Variants in AGBL4 observed in about 807,000 individuals in gnomAD.
The protein encoded by AGBL4 is cytosolic carboxypeptidase 6.
In AGBL4, 58 loss-of-function variants were observed where a neutral mutation model predicts 66.4. That is an observed-to-expected ratio of 0.87 (90% CI 0.71 to 1.09). The LOEUF is 1.09. Ranked by LOEUF, AGBL4 falls within the 50% of genes least tolerant of loss-of-function variation. The probability of loss-of-function intolerance (pLI) is 0.00; values close to 1 mark genes in which losing one functional copy is unlikely to be tolerated. For synonymous variants in AGBL4, 234 were observed against 222.9 expected (o/e 1.05, Z -0.44); for missense variants, 579 against 631.0 (o/e 0.92, Z 0.88).
In AGBL4 at chr1:48,587,041, A is replaced by G. The variant is rs1644833424; in HGVS notation, c.1230T>C (p.Ser410=). The part of the protein sequence containing the change: ...LEVSFYSYII[S]GTTAAVPYTE... Reference sequence around the variant, plus strand: ...TGTAGGGCACAGCAGCCGTGGTGCCACTGATGATGTAGCTGTAGAAGGAGA... The same window carrying G: ...TGTAGGGCACAGCAGCCGTGGTGCCGCTGATGATGTAGCTGTAGAAGGAGA... The change falls in exon 11 of 14, where the codon AGT becomes AGC. Residue 410 remains serine, a synonymous_variant. Transcript: ENST00000371839. The G allele has an allele frequency of 6.2e-7, 1 of 1,609,588 alleles. No individual in the cohort carries two copies. The highest frequency in any genetic ancestry group is 1.3e-5 in the African/African-American group (1 of 74,986).
At chr1:49,186,780 C>G (rs1056940785) in intron 4 of AGBL4, among the ~76,000 whole-genome samples, 2 of 152,118 alleles carry the variant, frequency 1.3e-5, no homozygotes, top group Non-Finnish European at 2.9e-5. Flanking sequence ...GAAAAACACT[C>G]TAGGAAGAAA....
intron 5 of AGBL4, among the ~76,000 whole-genome samples, chr1:48,952,311 C>T (rs1180969400): frequency 6.6e-6 from 1 of 152,150 alleles, no homozygotes; most frequent in Non-Finnish European, 1.5e-5. Flanking sequence ...AGGCTTTACC[C>T]TTTGGAGCTT....
chr1:48,597,491 G>C (rs576953136), intron 9 of AGBL4, among the ~76,000 whole-genome samples: 1 of 152,256 alleles, frequency 6.6e-6, no homozygotes, highest in South Asian at 2.1e-4. Context: ...TAGGTAGTGT[G>C]ATCAGGGAAG....
At chr1:48,846,397 G>GAAATAAATAAAT (rs1197020867) in intron 6 of AGBL4, among the ~76,000 whole-genome samples, 1 of 150,566 alleles carries the variant, frequency 6.6e-6, no homozygotes, top group African/African-American at 2.4e-5. Flanking sequence ...AAGAAAGAAA[G>GAAATAAATAAAT]AAAGAAAGAA....
At chr1:49,143,681 A>T (rs988021452) in intron 4 of AGBL4, among the ~76,000 whole-genome samples, 4 of 152,202 alleles carry the variant, frequency 2.6e-5, no homozygotes, top group African/African-American at 9.7e-5. Flanking sequence ...CTTATACATA[A>T]ATAGAAAACA....
In AGBL4 at chr1:49,851,488, C is replaced by T. The variant is rs1244438509; in HGVS notation, c.65G>A (p.Gly22Glu). 1 of 1,549,882 alleles carries T rather than the reference C, an allele frequency of 6.5e-7. No homozygotes were observed. Among genetic ancestry groups the T allele is most frequent in the East Asian group, 2.5e-5 (1 of 40,792 alleles). Residue 22 changes from glycine to glutamate, a missense_variant, in exon 2 of 14, where the codon GGA (glycine) becomes GAA (glutamate). Coordinates refer to ENST00000371839, the MANE Select transcript of AGBL4 (RefSeq NM_032785.4). Reference sequence around the variant, plus strand: ...CACTATATATTTGCTCACATTCCCTCCAATGGCATCATCATTTCCCATATC... The same window carrying T: ...CACTATATATTTGCTCACATTCCCTTCAATGGCATCATCATTTCCCATATC... Reference protein sequence around the residue: ...GNDMGNDDAIGGNVSKYIVLP... With the variant: ...GNDMGNDDAIEGNVSKYIVLP...
At chr1:49,007,697 G>A (rs1195834572) in intron 5 of AGBL4, among the ~76,000 whole-genome samples, 1 of 151,482 alleles carries the variant, frequency 6.6e-6, no homozygotes, top group African/African-American at 2.4e-5. Context: ...AACCCTACAA[G>A]CCAGAAGAGA....
At chr1:49,255,653 C>G (rs767625743) in intron 3 of AGBL4, among the ~76,000 whole-genome samples, 5 of 152,146 alleles carry the variant, frequency 3.3e-5, no homozygotes, top group Non-Finnish European at 7.3e-5. Context: ...CCAGCAATCC[C>G]ATTACTGGGT....
intron 3 of AGBL4, among the ~76,000 whole-genome samples, chr1:49,439,961 G>A (rs954234325): frequency 6.6e-6 from 1 of 152,170 alleles, no homozygotes; most frequent in East Asian, 1.9e-4. Context: ...GGTACCAAGA[G>A]TGGTTCTAGA....
chr1:50,020,081 C>T (rs946014125), intron 1 of AGBL4, among the ~76,000 whole-genome samples: 1 of 151,856 alleles, frequency 6.6e-6, no homozygotes, highest in African/African-American at 2.4e-5. Flanking sequence ...TTAAGTGTCC[C>T]TTATTCCTCC....
chr1:49,551,338 C>G (rs2148838118), intron 3 of AGBL4, among the ~76,000 whole-genome samples: 1 of 152,216 alleles, frequency 6.6e-6, no homozygotes, highest in South Asian at 2.1e-4. Flanking sequence ...TGCAGGTGAA[C>G]TAGTATGATT....
chr1:49,797,328 C>CA (rs1214758390), intron 2 of AGBL4, among the ~76,000 whole-genome samples: 8 of 152,120 alleles, frequency 5.3e-5, no homozygotes, highest in Non-Finnish European at 2.9e-5. Context: ...TTCTGAACCT[C>CA]AAAATATAAA....
chr1:49,303,461 T>TTATTTATTTATTTATTTATTTA (rs1290961216), intron 3 of AGBL4, among the ~76,000 whole-genome samples: 2 of 151,666 alleles, frequency 1.3e-5, no homozygotes, highest in African/African-American at 4.8e-5. Context: ...TTTTATTTAT[T>TTATTTATTTATTTATTTATTTA]TATTTATTTG....
chr1:48,525,952 C>T, the AGBL4 span, among the ~76,000 whole-genome samples: 1 of 152,288 alleles, frequency 6.6e-6, no homozygotes, highest in Non-Finnish European at 1.5e-5. Flanking sequence ...TTGCACCACT[C>T]CATCCTAATA....
chr1:49,118,839 G>C (rs1439696577), intron 4 of AGBL4, among the ~76,000 whole-genome samples: 1 of 151,988 alleles, frequency 6.6e-6, no homozygotes, highest in Non-Finnish European at 1.5e-5. Context: ...GACTTTTTTT[G>C]GTTGGTAGGC....
intron 3 of AGBL4, among the ~76,000 whole-genome samples, chr1:49,366,243 C>T (rs1644239046): frequency 6.6e-6 from 1 of 152,088 alleles, no homozygotes; most frequent in Non-Finnish European, 1.5e-5. Context: ...TCCTTAGGTC[C>T]AATAGCAATG....
intron 6 of AGBL4, among the ~76,000 whole-genome samples, chr1:48,697,648 C>T (rs369563257): frequency 4.6e-5 from 7 of 152,264 alleles, no homozygotes; most frequent in African/African-American, 1.7e-4. Context: ...ATAGAAATAG[C>T]ATTACGGGTT....
chr1:49,478,390 A>G (rs1350998207), intron 3 of AGBL4, among the ~76,000 whole-genome samples: 2 of 152,020 alleles, frequency 1.3e-5, no homozygotes, highest in African/African-American at 4.8e-5. Context: ...CAATATGTCT[A>G]GCAGCAGATT....
chr1:49,037,256 A>C (rs1378953627), intron 5 of AGBL4, among the ~76,000 whole-genome samples: 1 of 152,002 alleles, frequency 6.6e-6, no homozygotes, highest in Non-Finnish European at 1.5e-5. Context: ...CTATTATTAT[A>C]TATGTAGTCT....
Sources: allele counts gnomAD v4.1 joint callset (sites outside exome capture counted in the v4.1 genomes callset), GRCh38; gene constraint gnomAD v4.1.1; transcripts MANE v1.5; gene names NCBI Gene and HGNC (gene_info 2026-07-23, HGNC 2026-07-21).